Variants in KIF6 observed in about 807,000 individuals in gnomAD.
The protein encoded by KIF6 is kinesin-like protein KIF6.
A neutral mutation model predicts 112.7 loss-of-function variants in KIF6; 106 were observed. The observed-to-expected ratio is 0.94, with a 90% CI of 0.80 to 1.11. KIF6 has a LOEUF of 1.11. Ranked by LOEUF, KIF6 falls within the 50% of genes least tolerant of loss-of-function variation. The pLI, the probability that KIF6 is intolerant of heterozygous loss-of-function variation, is 0.00. For missense variants in KIF6, 929 were observed against 964.0 expected, an observed-to-expected ratio of 0.96 and a Z score of 0.48; for synonymous variants, 339 against 339.9, an observed-to-expected ratio of 1.00 and a Z score of 0.03.
intron 13 of KIF6, among the ~76,000 whole-genome samples, chr6:39,526,537 A>G (rs1777738712): frequency 6.6e-6 from 1 of 152,200 alleles, no homozygotes; most frequent in Non-Finnish European, 1.5e-5. Context: ...GACAAAACAA[A>G]TACTCACACC....
chr6:39,720,740 A>G lies in KIF6; in HGVS notation c.138T>C (p.Asp46=). The change falls in exon 2 of 23, where the codon GAT becomes GAC. Residue 46 remains aspartate, a synonymous_variant. Transcript: ENST00000287152. ...TTTCTCGCTTATTATTCACAAACCC[A>G]TCTGCCAAATCACGTGGTAAGATGA... ...LEIILPRDLA[D]GFVNNKRESY... is the part of the protein sequence containing the mutation. The G allele has an allele frequency of 6.2e-7, 1 of 1,609,142 alleles. No homozygotes were observed. The highest frequency in any genetic ancestry group is 1.7e-4 in the Middle Eastern group (1 of 6,050).
intron 4 of KIF6, among the ~76,000 whole-genome samples, chr6:39,639,218 A>G (rs1272831262): frequency 6.6e-6 from 1 of 152,096 alleles, no homozygotes; most frequent in African/African-American, 2.4e-5. Flanking sequence ...TATCAAGTGT[A>G]AAATAGTAAC....
At chr6:39,480,023 C>T (rs905437882) in intron 13 of KIF6, among the ~76,000 whole-genome samples, 2 of 152,258 alleles carry the variant, frequency 1.3e-5, no homozygotes, top group Admixed American at 6.5e-5. Context: ...TCCTCTTTAT[C>T]AATTTGGATG....
At chr6:39,419,511 C>G (rs1388655694) in intron 15 of KIF6, among the ~76,000 whole-genome samples, 1 of 152,140 alleles carries the variant, frequency 6.6e-6, no homozygotes, top group Non-Finnish European at 1.5e-5. Context: ...GCTTCTTATC[C>G]TTCCACCAGC....
intron 15 of KIF6, among the ~76,000 whole-genome samples, chr6:39,393,520 A>T (rs1389647812): frequency 6.6e-6 from 1 of 152,224 alleles, no homozygotes; most frequent in Non-Finnish European, 1.5e-5. Context: ...AAGAAAAATA[A>T]ACACAAAGAT....
In KIF6 at chr6:39,376,296, CCGCACCAAGGT is replaced by C. The variant is rs529321828; in HGVS notation, c.1861+9315_1861+9325del. On this transcript the variant is annotated intron_variant, in intron 16 of 22. Coordinates refer to ENST00000287152, the MANE Select transcript of KIF6 (RefSeq NM_145027.6). ...AATCCATCCAAGCTCTCCCATGTCT[CCGCACCAAGGT>C]TGCGAGTGTTTTCTGCATGTCTGAA... 1.7e-4 allele frequency among the ~76,000 whole-genome samples: 26 copies of C among 152,282 alleles called. No individual in the cohort carries two copies. In the East Asian group the frequency reaches 4.4e-3, roughly 26 times the overall value.
At chr6:39,574,293 TTGCATATACTTTAC>T (rs1389278446) in intron 10 of KIF6, among the ~76,000 whole-genome samples, 1 of 152,230 alleles carries the variant, frequency 6.6e-6, no homozygotes, top group Non-Finnish European at 1.5e-5. Flanking sequence ...CTCATTCTTA[TTGCATATACTTTAC>T]TGCATTTTTC....
At chr6:39,699,916 A>C (rs1788776606) in intron 3 of KIF6, among the ~76,000 whole-genome samples, 1 of 152,172 alleles carries the variant, frequency 6.6e-6, no homozygotes. Flanking sequence ...TAGCAACTTC[A>C]TTTTCAATGG....
chr6:39,373,933 C>A (rs141405892), intron 16 of KIF6, among the ~76,000 whole-genome samples: 47 of 152,168 alleles, frequency 3.1e-4, no homozygotes, highest in African/African-American at 1.0e-3. Flanking sequence ...TAATCTTGAG[C>A]AAAAGGAACA....
intron 12 of KIF6, among the ~76,000 whole-genome samples, chr6:39,541,992 GT>G (rs1778814587): frequency 6.6e-6 from 1 of 152,152 alleles, no homozygotes; most frequent in Non-Finnish European, 1.5e-5. Context: ...GGAACCTCGT[GT>G]TAGAAGAACA....
At chr6:39,440,339 A>G (rs1771840460) in intron 13 of KIF6, among the ~76,000 whole-genome samples, 1 of 152,216 alleles carries the variant, frequency 6.6e-6, no homozygotes, top group South Asian at 2.1e-4. Context: ...AACAGCTCTG[A>G]TACCACAGTA....
chr6:39,510,611 T>C (rs749737415), intron 13 of KIF6, among the ~76,000 whole-genome samples: 36 of 152,074 alleles, frequency 2.4e-4, no homozygotes, highest in Non-Finnish European at 4.7e-4. Context: ...TTAAAGATCA[T>C]CGACGCTATG....
In KIF6 at chr6:39,573,332, C is replaced by G. The variant is rs531301384; in HGVS notation, c.1181+4724G>C. Among the ~76,000 whole-genome samples the G allele has an allele frequency of 3.9e-5, 6 of 152,244 alleles. No individual in the cohort carries two copies. The East Asian group carries it at 7.7e-4, about 20-fold the overall frequency. On this transcript the variant is annotated intron_variant, in intron 10 of 22. Transcript: ENST00000287152. ...CTAATGGTGTTAAATAGCAGTAGCA[C>G]TTTAGGGGTAAATTTTAATTTATCA...
At chr6:39,337,197 T>TTCTTTCTTTC (rs1763044098) in intron 22 of KIF6, among the ~76,000 whole-genome samples, 8 of 103,708 alleles carry the variant, frequency 7.7e-5, no homozygotes, top group Non-Finnish European at 1.2e-4. Context: ...CTTTCTTTCT[T>TTCTTTCTTTC]TCTTTCTTTC....
At chr6:39,452,481 TA>T (rs1205150222) in intron 13 of KIF6, among the ~76,000 whole-genome samples, 1 of 152,218 alleles carries the variant, frequency 6.6e-6, no homozygotes, top group East Asian at 1.9e-4. Flanking sequence ...TCTCTGGATA[TA>T]AAGAATGCAA....
intron 13 of KIF6, among the ~76,000 whole-genome samples, chr6:39,503,853 A>G (rs866428205): frequency 2.7e-5 from 4 of 149,704 alleles, no homozygotes; most frequent in Non-Finnish European, 3.0e-5. Flanking sequence ...CAACCAGAAA[A>G]AAAAAAAAAA....
At chr6:39,641,106 GA>G (rs559102915) in intron 3 of KIF6, among the ~76,000 whole-genome samples, 13 of 152,200 alleles carry the variant, frequency 8.5e-5, no homozygotes, top group African/African-American at 2.4e-4. Context: ...TTCCTCAACA[GA>G]ATTTGTTACC....
chr6:39,660,470 A>G (rs1046914177), intron 3 of KIF6, among the ~76,000 whole-genome samples: 1 of 152,210 alleles, frequency 6.6e-6, no homozygotes, highest in South Asian at 2.1e-4. Context: ...TGTGTTGTCA[A>G]TGTCCCTTCG....
chr6:39,516,657 G>C (rs1210055503), intron 13 of KIF6, among the ~76,000 whole-genome samples: 2 of 152,014 alleles, frequency 1.3e-5, no homozygotes. Flanking sequence ...TTTTTAAAAG[G>C]AAAACATGTG....
Sources: allele counts gnomAD v4.1 joint callset (sites outside exome capture counted in the v4.1 genomes callset), GRCh38; gene constraint gnomAD v4.1.1; transcripts MANE v1.5; gene names NCBI Gene and HGNC (gene_info 2026-07-23, HGNC 2026-07-21).